EYS: variants seen among roughly 807,000 people sequenced by gnomAD.
EYS encodes protein eyes shut homolog.
EYS carries 250 observed loss-of-function variants against 282.1 expected under a neutral mutation model. The ratio of observed to expected loss-of-function variants is 0.89; its 90% CI spans 0.80 to 0.98. EYS has a LOEUF of 0.98. Ranked by LOEUF, EYS falls within the 50% of genes least tolerant of loss-of-function variation. EYS has a pLI of 0.00. For missense variants in EYS, 4,016 were observed against 3,709.0 expected, an observed-to-expected ratio of 1.08 and a Z score of -2.15; for synonymous variants, 1,355 against 1,282.9, an observed-to-expected ratio of 1.06 and a Z score of -1.20.
Position 64,593,271 on chromosome 6 carries a change from C to T in EYS, c.3723G>A (p.Arg1241=). The change falls in exon 25 of 43, where the codon AGG becomes AGA. Residue 1241 remains arginine (R), a synonymous_variant. Coordinates refer to ENST00000503581, the MANE Select transcript of EYS (RefSeq NM_001142800.2). The part of the protein sequence containing the change: ...SIGLLCGDEI[R]RITCLTPIFQ... ...AGATGGGAGTTAAACAGGTAATTCT[C>T]CTTATTTCATCACCACAAAGAAGCC... 6.4e-7 allele frequency: 1 copy of T among 1,550,474 alleles called. No individual in the cohort carries two copies.
At chr6:65,697,749 G>A (rs943458661) in intron 1 of EYS, among the ~76,000 whole-genome samples, 5 of 152,052 alleles carry the variant, frequency 3.3e-5, no homozygotes, top group African/African-American at 4.8e-5. Flanking sequence ...AACCAATAAC[G>A]AGCATATGTT....
At chr6:63,772,385 T>C (rs921361318) in intron 40 of EYS, among the ~76,000 whole-genome samples, 12 of 152,182 alleles carry the variant, frequency 7.9e-5, no homozygotes, top group Admixed American at 1.3e-4. Context: ...ATCTCTTTCA[T>C]GCTGAAAATT....
At chr6:65,704,564 C>T (rs1769806199) in intron 1 of EYS, among the ~76,000 whole-genome samples, 1 of 152,122 alleles carries the variant, frequency 6.6e-6, no homozygotes, top group Non-Finnish European at 1.5e-5. Flanking sequence ...GGTTCTATTT[C>T]TTGTCACAAA....
At chr6:65,041,478 C>T (rs4537121) in intron 13 of EYS, among the ~76,000 whole-genome samples, 10,386 of 151,704 alleles carry the variant, frequency 0.068, 459 homozygotes, top group East Asian at 0.13. Flanking sequence ...TGACCTGAAC[C>T]CTACTTTTAC....
chr6:64,521,565 A>G (rs1344530211), intron 26 of EYS, among the ~76,000 whole-genome samples: 2 of 151,686 alleles, frequency 1.3e-5, no homozygotes, highest in Non-Finnish European at 1.5e-5. Context: ...TGCTCCTTCT[A>G]TTCTGCCTTC....
intron 31 of EYS, among the ~76,000 whole-genome samples, chr6:64,110,760 A>T (rs1444823644): frequency 6.6e-6 from 1 of 151,972 alleles, no homozygotes; most frequent in Non-Finnish European, 1.5e-5. Flanking sequence ...GTAAAAAGTG[A>T]GAGGATATAG....
chr6:65,605,619 T>C (rs1765760432), intron 2 of EYS, among the ~76,000 whole-genome samples: 1 of 151,904 alleles, frequency 6.6e-6, no homozygotes, highest in Admixed American at 6.6e-5. Context: ...AGTTATCAAA[T>C]TGAAAGTATA....
At chr6:63,937,345 C>CTTTTTTTTTTTTTTTTT (rs778809745) in intron 35 of EYS, among the ~76,000 whole-genome samples, 8 of 54,496 alleles carry the variant, frequency 1.5e-4, no homozygotes, top group Middle Eastern at 0.013. Context: ...TCTCTCTTTT[C>CTTTTTTTTTTTTTTTTT]TTTTTTTTTT....
intron 8 of EYS, among the ~76,000 whole-genome samples, chr6:65,363,126 A>G (rs1031519498): frequency 1.8e-5 from 2 of 110,516 alleles, no homozygotes; most frequent in Admixed American, 9.0e-5. Context: ...AACTTCAGGA[A>G]TGAATGTGAT....
intron 7 of EYS, among the ~76,000 whole-genome samples, chr6:65,385,534 T>C (rs897425449): frequency 1.3e-5 from 2 of 151,952 alleles, no homozygotes; most frequent in Non-Finnish European, 2.9e-5. Flanking sequence ...ACTAGGCTAA[T>C]TACTTTTACA....
chr6:65,630,514 A>T (rs1407696259), intron 2 of EYS, among the ~76,000 whole-genome samples: 2 of 152,246 alleles, frequency 1.3e-5, no homozygotes, highest in East Asian at 3.8e-4. Flanking sequence ...ACCAATATTT[A>T]TCTAAAAAAA....
chr6:65,364,237 T>C (rs1764823203), intron 8 of EYS, among the ~76,000 whole-genome samples: 1 of 133,628 alleles, frequency 7.5e-6, no homozygotes, highest in Non-Finnish European at 1.6e-5. Context: ...AAAAATAAAA[T>C]CAACTAAATG....
chr6:64,356,165 G>A (rs115625567), intron 29 of EYS, among the ~76,000 whole-genome samples: 5,517 of 151,378 alleles, frequency 0.036, 151 homozygotes, highest in Non-Finnish European at 0.056. Context: ...GTATTCCATC[G>A]CACTTGGTGA....
chr6:64,280,431 A>G (rs1369286638), intron 30 of EYS, among the ~76,000 whole-genome samples: 1 of 152,138 alleles, frequency 6.6e-6, no homozygotes, highest in Admixed American at 6.5e-5. Flanking sequence ...TAGACTATGC[A>G]AATACTATAC....
At chr6:63,942,837 C>T (rs923039958) in intron 35 of EYS, among the ~76,000 whole-genome samples, 3 of 152,150 alleles carry the variant, frequency 2.0e-5, no homozygotes, top group Admixed American at 6.5e-5. Context: ...CCTGAGACAG[C>T]AACACTCTTC....
intron 9 of EYS, among the ~76,000 whole-genome samples, chr6:65,347,583 T>G (rs1023765367): frequency 2.0e-5 from 3 of 151,374 alleles, no homozygotes; most frequent in Admixed American, 1.3e-4. Context: ...GTTTTTCCCT[T>G]TGAGTTTTTG....
At chr6:65,393,739 C>G (rs1231204824) in intron 7 of EYS, among the ~76,000 whole-genome samples, 1 of 151,016 alleles carries the variant, frequency 6.6e-6, no homozygotes, top group Non-Finnish European at 1.5e-5. Context: ...AAAATAAATG[C>G]TGAAGCTGAC....
intron 36 of EYS, among the ~76,000 whole-genome samples, chr6:63,824,120 T>G (rs1228581451): frequency 6.6e-6 from 1 of 152,204 alleles, no homozygotes; most frequent in African/African-American, 2.4e-5. Flanking sequence ...TCTCTTTCAT[T>G]TATAACGTAA....
chr6:64,234,876 T>C (rs1766534681), intron 30 of EYS, among the ~76,000 whole-genome samples: 1 of 139,350 alleles, frequency 7.2e-6, no homozygotes, highest in Non-Finnish European at 1.6e-5. Flanking sequence ...ATCAGAACTT[T>C]ATTCTTTTTT....
Sources: allele counts gnomAD v4.1 joint callset (sites outside exome capture counted in the v4.1 genomes callset), GRCh38; gene constraint gnomAD v4.1.1; transcripts MANE v1.5; gene names NCBI Gene and HGNC (gene_info 2026-07-23, HGNC 2026-07-21).